Variants in ZBTB16 observed in about 807,000 individuals in gnomAD.
The protein encoded by ZBTB16 is zinc finger and BTB domain-containing protein 16.
In ZBTB16, 8 loss-of-function variants were observed where a neutral mutation model predicts 56.8. The ratio of observed to expected loss-of-function variants is 0.14; its 90% CI spans 0.08 to 0.25. The LOEUF (loss-of-function observed/expected upper bound fraction) is 0.25, where lower values mean the gene tolerates loss of function less well. Among genes scored for constraint, ZBTB16 ranks in the 10% least tolerant of loss-of-function variants. The pLI is 1.00. For synonymous variants in ZBTB16, 363 were observed against 368.5 expected, an observed-to-expected ratio of 0.98 and a Z score of 0.17; for missense variants, 625 against 903.0, an observed-to-expected ratio of 0.69 and a Z score of 3.95.
At chr11:114,232,743 G>A (rs1034944494) in intron 4 of ZBTB16, among the ~76,000 whole-genome samples, 1 of 150,714 alleles carries the variant, frequency 6.6e-6, no homozygotes, top group African/African-American at 2.5e-5. Flanking sequence ...TCACAAATGG[G>A]GGCCCCCGTG....
chr11:114,187,933 A>C (rs184908853), intron 4 of ZBTB16: 1 of 162,088 alleles, frequency 6.2e-6, no homozygotes, highest in Admixed American at 6.5e-5. Flanking sequence ...CCTTATGAGA[A>C]TCTAATGCCT....
chr11:114,133,062 C>G (rs1291570303), intron 2 of ZBTB16, among the ~76,000 whole-genome samples: 2 of 152,274 alleles, frequency 1.3e-5, no homozygotes, highest in Non-Finnish European at 2.9e-5. Flanking sequence ...GTGTCTGACT[C>G]TTTTTATAGT....
chr11:114,146,351 A>G (rs560552236), intron 2 of ZBTB16, among the ~76,000 whole-genome samples: 77 of 152,218 alleles, frequency 5.1e-4, no homozygotes, highest in Non-Finnish European at 8.2e-4. Context: ...TTAGGTAGGA[A>G]TATGAAGGCA....
chr11:114,142,003 A>G (rs758650943), intron 2 of ZBTB16, among the ~76,000 whole-genome samples: 4 of 152,242 alleles, frequency 2.6e-5, no homozygotes, highest in Non-Finnish European at 4.4e-5. Flanking sequence ...TGTCTCTGAC[A>G]TCATTTTAGC....
intron 2 of ZBTB16, among the ~76,000 whole-genome samples, chr11:114,139,776 G>A (rs1047673007): frequency 3.9e-5 from 6 of 152,138 alleles, no homozygotes; most frequent in South Asian, 2.1e-4. Context: ...CAGAGTGAGT[G>A]TCCGGAAGGC....
At chr11:114,210,162 AGTGTGTGT>A (rs139074973) in intron 4 of ZBTB16, among the ~76,000 whole-genome samples, 90 of 134,746 alleles carry the variant, frequency 6.7e-4, no homozygotes, top group East Asian at 1.6e-3. Context: ...AGCCAAAGCT[AGTGTGTGT>A]GTGTGTGTGT....
chr11:114,144,303 A>G (rs1361256898), intron 2 of ZBTB16, among the ~76,000 whole-genome samples: 2 of 152,078 alleles, frequency 1.3e-5, no homozygotes, highest in Non-Finnish European at 2.9e-5. Context: ...CTTTTCACAC[A>G]AAGCTCCCTG....
chr11:114,148,441 C>CTGTCTG (rs1942188014), intron 2 of ZBTB16, among the ~76,000 whole-genome samples: 1 of 49,796 alleles, frequency 2.0e-5, no homozygotes, highest in Non-Finnish European at 4.7e-5. Flanking sequence ...CTCTCTTTCT[C>CTGTCTG]TCTCTCTGTC....
At chr11:114,173,420 G>A (rs1462120668) in intron 3 of ZBTB16, among the ~76,000 whole-genome samples, 3 of 152,168 alleles carry the variant, frequency 2.0e-5, no homozygotes, top group African/African-American at 7.2e-5. Context: ...GTGACGGGTG[G>A]GTCAGGTGGT....
intron 2 of ZBTB16, among the ~76,000 whole-genome samples, chr11:114,154,046 C>G (rs1942342552): frequency 6.6e-6 from 1 of 152,158 alleles, no homozygotes; most frequent in East Asian, 1.9e-4. Context: ...CTTCCACCAA[C>G]TGCCAAGCAA....
chr11:114,066,574 C>T (rs927640324), intron 2 of ZBTB16, among the ~76,000 whole-genome samples: 2 of 152,050 alleles, frequency 1.3e-5, no homozygotes, highest in Admixed American at 6.5e-5. Flanking sequence ...TTTCTTTACC[C>T]GAGAGGGCCA....
rs550018890 is a variant in ZBTB16 at position 114,222,909 on chromosome 11, C to G, written c.1454-19258C>G. ...TGCTTGAGTGTAGAGGGCTCAGACTCTGAGGTCAGCTTATGTGCCTGAGGG... is the reference window on the plus strand; with the variant it reads ...TGCTTGAGTGTAGAGGGCTCAGACTGTGAGGTCAGCTTATGTGCCTGAGGG... On this transcript the variant is annotated intron_variant, in intron 4 of 6. Coordinates refer to ENST00000335953, the MANE Select transcript of ZBTB16 (RefSeq NM_006006.6). Among the ~76,000 whole-genome samples, 7 of 152,244 alleles carry G rather than the reference C, an allele frequency of 4.6e-5. No individual in the cohort carries two copies. In the East Asian group the frequency reaches 1.4e-3, roughly 30 times the overall value.
intron 2 of ZBTB16, among the ~76,000 whole-genome samples, chr11:114,151,977 A>G (rs1457290163): frequency 6.6e-6 from 1 of 152,186 alleles, no homozygotes; most frequent in Non-Finnish European, 1.5e-5. Context: ...ATAAAGGCTT[A>G]CCCTGAAGAT....
chr11:114,100,695 A>G (rs899296558), intron 2 of ZBTB16, among the ~76,000 whole-genome samples: 1 of 152,178 alleles, frequency 6.6e-6, no homozygotes, highest in African/African-American at 2.4e-5. Flanking sequence ...ACAGATGGAA[A>G]AAGATGAAAC....
intron 2 of ZBTB16, among the ~76,000 whole-genome samples, chr11:114,150,468 CTAT>C (rs1349890170): frequency 6.6e-6 from 1 of 152,102 alleles, no homozygotes; most frequent in Non-Finnish European, 1.5e-5. Context: ...GACCTCGTCT[CTAT>C]TAAAAACAAT....
Position 114,068,597 on chromosome 11 carries a change from T to G in ZBTB16, c.1268+4029T>G, listed in dbSNP as rs182201546. On this transcript the variant is annotated intron_variant, in intron 2 of 6. Coordinates refer to ENST00000335953, the MANE Select transcript of ZBTB16 (RefSeq NM_006006.6). ...ACAAACCAGAAGGAAGTCAGAACAG[T>G]GGGAAGATCTGATAGATAAGCAGTA... Among the ~76,000 whole-genome samples the G allele has an allele frequency of 7.2e-5, 11 of 152,182 alleles. No individual in the cohort carries two copies. The East Asian group carries it at 2.1e-3, about 29-fold the overall frequency.
At chr11:114,155,329 A>C (rs1942381373) in intron 2 of ZBTB16, among the ~76,000 whole-genome samples, 1 of 152,138 alleles carries the variant, frequency 6.6e-6, no homozygotes, top group Non-Finnish European at 1.5e-5. Context: ...TGACAACAGG[A>C]GTGTGGGTGG....
At chr11:114,124,384 C>G (rs778135638) in intron 2 of ZBTB16, among the ~76,000 whole-genome samples, 16 of 151,844 alleles carry the variant, frequency 1.1e-4, no homozygotes, top group Non-Finnish European at 1.8e-4. Context: ...ATGCTTCTCC[C>G]ACCCTCTATT....
chr11:114,213,165 C>G (rs572570118), intron 4 of ZBTB16, among the ~76,000 whole-genome samples: 48 of 152,178 alleles, frequency 3.2e-4, no homozygotes, highest in Middle Eastern at 3.4e-3. Flanking sequence ...AACATTGTCC[C>G]TCTTAACTCT....
Sources: allele counts gnomAD v4.1 joint callset (sites outside exome capture counted in the v4.1 genomes callset), GRCh38; gene constraint gnomAD v4.1.1; transcripts MANE v1.5; gene names NCBI Gene and HGNC (gene_info 2026-07-23, HGNC 2026-07-21).